Variants in SH2D6 observed in about 807,000 individuals in gnomAD.
The protein encoded by SH2D6 is SH2 domain-containing protein 6.
SH2D6 carries 31 observed loss-of-function variants against 30.2 expected under a neutral mutation model. That is an observed-to-expected ratio of 1.03 (90% CI 0.77 to 1.38). The LOEUF (loss-of-function observed/expected upper bound fraction) is 1.38. Among genes scored for constraint, SH2D6 ranks in the 40% most tolerant of loss-of-function variants. SH2D6 has a pLI of 0.00. For synonymous variants in SH2D6, 93 were observed against 104.6 expected (o/e 0.89, Z 0.68); for missense variants, 240 against 266.8 (o/e 0.90, Z 0.70).
intron 20 of SH2D6, 34 bp downstream of exon 20, chr2:85,435,157 G>A: frequency 1.9e-6 from 3 of 1,598,004 alleles, no homozygotes; most frequent in Non-Finnish European, 1.7e-6. Flanking sequence ...TGTAGGGAGA[G>A]GTTCCGGGAG....
intron 22 of SH2D6, among the ~76,000 whole-genome samples, chr2:85,436,090 G>C (rs1434248958): frequency 6.6e-6 from 1 of 152,102 alleles, no homozygotes; most frequent in Non-Finnish European, 1.5e-5. Context: ...GCGGGGTCCA[G>C]GATCTTCAGA....
chr2:85,424,362 T>C (rs928600119), intron 5 of SH2D6, among the ~76,000 whole-genome samples: 1 of 152,162 alleles, frequency 6.6e-6, no homozygotes, highest in Non-Finnish European at 1.5e-5. Context: ...TGCTTCCTTA[T>C]ATTTGAAGTC....
At chr2:85,435,307 T>G in intron 20 of SH2D6, 106 bp from the exon 21 acceptor site, 1 of 1,356,256 alleles carries the variant, frequency 7.4e-7, no homozygotes, top group Non-Finnish European at 1.0e-6. Context: ...GGGGACTCAG[T>G]TGAGCATAGG....
chr2:85,423,035 G>A (rs147356502), intron 5 of SH2D6, among the ~76,000 whole-genome samples: 3 of 152,094 alleles, frequency 2.0e-5, no homozygotes, highest in Non-Finnish European at 2.9e-5. Context: ...TTACAGGCGC[G>A]TGCCACCACG....
intron 19 of SH2D6, 134 bp downstream of exon 19, chr2:85,434,631 A>AAAAAAAAAAC: frequency 7.3e-7 from 1 of 1,368,824 alleles, no homozygotes; most frequent in African/African-American, 1.5e-5. Flanking sequence ...AAAAAAAAAA[A>AAAAAAAAAAC]AAAACTAGGT....
intron 2 of SH2D6, among the ~76,000 whole-genome samples, chr2:85,421,200 C>T (rs1308390695): frequency 2.0e-5 from 3 of 152,068 alleles, no homozygotes; most frequent in African/African-American, 2.4e-5. Flanking sequence ...GAACAGACGC[C>T]GGCCGCTCCC....
chr2:85,431,535 A>T (rs1434690917), intron 13 of SH2D6, among the ~76,000 whole-genome samples: 1 of 151,710 alleles, frequency 6.6e-6, no homozygotes, highest in Non-Finnish European at 1.5e-5. Flanking sequence ...GGGGGAGGGG[A>T]GGGGCTCAGC....
intron 6 of SH2D6, among the ~76,000 whole-genome samples, chr2:85,427,392 CA>C (rs560679906): frequency 5.5e-4 from 84 of 152,374 alleles, no homozygotes; most frequent in African/African-American, 2.0e-3. Context: ...AACATGAGGC[CA>C]CTGAGGCAGC....
intron 6 of SH2D6, among the ~76,000 whole-genome samples, chr2:85,427,580 C>T (rs773583034): frequency 3.3e-5 from 5 of 152,212 alleles, no homozygotes; most frequent in Non-Finnish European, 7.3e-5. Flanking sequence ...CTGGGAAACT[C>T]GCTCAGGCTG....
intron 18 of SH2D6, 41 bp from the exon 19 acceptor site, chr2:85,434,432 C>T: frequency 6.4e-7 from 1 of 1,550,460 alleles, no homozygotes; most frequent in Non-Finnish European, 8.7e-7. Flanking sequence ...AGGGTGGGAC[C>T]TGGGGCCCGG....
Position 85,434,631 on chromosome 2 carries a change from A to AAAAAC in SH2D6, c.589+135_589+139dup. On this transcript the variant is annotated intron_variant, in intron 19 of 23. Transcript: ENST00000469800. The stretch of plus-strand genomic sequence containing the variant: ...TTGACTAGACTTAAAAAAAAAAAAA[A>AAAAAC]AAAACTAGGTGAATGCAGGCATCTT... The AAAAAC allele has an allele frequency of 3.7e-6, 5 of 1,368,820 alleles. No homozygotes were observed. In the African/African-American group the frequency reaches 4.4e-5, roughly 12 times the overall value. The allele number at this position is 1,368,820 out of a possible 1,614,324, so 84.8% of individuals were successfully genotyped here. A position where few individuals can be genotyped will look rare whatever the true frequency, so the allele number is the denominator to read the frequency against.
chr2:85,434,776 G>A, intron 19 of SH2D6: 1 of 1,457,638 alleles, frequency 6.9e-7, no homozygotes, highest in Non-Finnish European at 9.0e-7. Flanking sequence ...CTGAGATCAG[G>A]CCTGAGGGGA....
At position 85,427,305 on chromosome 2, in the gene SH2D6, G is replaced by C. The variant is rs569153879; in HGVS notation, c.-208-1279G>C. Among the ~76,000 whole-genome samples, 11 of 152,348 alleles carry C rather than the reference G, an allele frequency of 7.2e-5. No homozygotes were observed. In the East Asian group the frequency reaches 2.1e-3, roughly 29 times the overall value. On this transcript the variant is annotated intron_variant, in intron 6 of 23. Coordinates refer to ENST00000469800, the MANE Select transcript of SH2D6 (RefSeq NM_001394463.1). ...GTCCACTTCCAGGAATTCATCCCCA[G>C]GGAATATCTATGGTGTGCACAGAGC...
Position 85,422,306 on chromosome 2 carries a change from G to A in SH2D6, c.-473G>A, listed in dbSNP as rs1573203658. ...AGCCCAGAAGTTCAAGACCAGCCTG[G>A]ACAACATAGTGAGACCCCATATCTG... On this transcript the variant is annotated 5_prime_UTR_variant, in exon 3 of 24. Transcript: ENST00000469800. 6.6e-6 allele frequency: 1 copy of A among 151,966 alleles called. No homozygotes were observed. Among genetic ancestry groups the A allele is most frequent in the Non-Finnish European group, 1.5e-5 (1 of 68,030 alleles). The allele number at this position is 151,966 out of a possible 1,614,324, so 9.4% of individuals were successfully genotyped here.
intron 6 of SH2D6, among the ~76,000 whole-genome samples, chr2:85,426,985 A>G (rs1036056473): frequency 1.3e-5 from 2 of 152,232 alleles, no homozygotes; most frequent in Non-Finnish European, 2.9e-5. Flanking sequence ...CTGATTGCTC[A>G]CTGGGTGGTG....
Position 85,435,688 on chromosome 2 carries a change from C to T in SH2D6, c.755C>T (p.Pro252Leu), listed in dbSNP as rs1360026303. ...LQKDGAYTVR[P>L]SSGPHGSQPF... Reference sequence around the variant, plus strand: ...CAGGATGGGGCCTATACCGTGCGCCCCAGCTCAGGGCCTCATGGCTCCCAG... The same window carrying T: ...CAGGATGGGGCCTATACCGTGCGCCTCAGCTCAGGGCCTCATGGCTCCCAG... The change falls in exon 22 of 24, where the codon CCC becomes CTC. Residue 252 changes from proline (P) to leucine (L), a missense_variant. Pro to Leu is a moderately conservative substitution (Grantham distance 98). Transcript: ENST00000469800. 1 of 1,611,408 alleles carries T rather than the reference C, an allele frequency of 6.2e-7. No individual in the cohort carries two copies. Among genetic ancestry groups the T allele is most frequent in the Admixed American group, 1.7e-5 (1 of 59,674 alleles).
At chr2:85,429,220 C>T (rs1188469342) in intron 7 of SH2D6, among the ~76,000 whole-genome samples, 152 bp from the exon 8 acceptor site, 1 of 152,228 alleles carries the variant, frequency 6.6e-6, no homozygotes, top group Non-Finnish European at 1.5e-5. Context: ...CAGCTTGGCT[C>T]TTCCTCTTAT....
chr2:85,434,877 C>A (rs1410362701), intron 19 of SH2D6, 188 bp from the exon 20 acceptor site: 4 of 1,548,852 alleles, frequency 2.6e-6, no homozygotes, highest in Non-Finnish European at 3.5e-6. Context: ...TCACACGAGG[C>A]CTGGCTGGTG....
At chr2:85,433,666 C>G in intron 16 of SH2D6, 35 bp downstream of exon 16, 2 of 1,049,548 alleles carry the variant, frequency 1.9e-6, no homozygotes, top group Non-Finnish European at 1.2e-6. Context: ...CCCCTCCTGC[C>G]CGAGGCCCTC....
Sources: gnomAD v4.1 joint callset for allele counts (sites outside exome capture counted in the v4.1 genomes callset) on GRCh38, gnomAD v4.1.1 for gene constraint, MANE v1.5 for transcripts, NCBI Gene and HGNC (gene_info 2026-07-23, HGNC 2026-07-21) for gene names.